BBS9: variants seen among roughly 807,000 people sequenced by gnomAD.
BBS9 encodes the protein Bardet-Biedl syndrome 9.
BBS9 carries 89 observed loss-of-function variants against 117.7 expected under a neutral mutation model. That is an observed-to-expected ratio of 0.76 (90% CI 0.64 to 0.90). The LOEUF is 0.90. BBS9 is among the 40% of genes least tolerant of loss of function. The pLI, the probability that BBS9 is intolerant of heterozygous loss-of-function variation, is 0.00. For synonymous variants in BBS9, 379 were observed against 370.9 expected, an observed-to-expected ratio of 1.02 and a Z score of -0.25; for missense variants, 982 against 1,042.2, an observed-to-expected ratio of 0.94 and a Z score of 0.80.
intron 19 of BBS9, among the ~76,000 whole-genome samples, chr7:33,497,973 C>T (rs757772961): frequency 6.6e-6 from 1 of 152,078 alleles, no homozygotes; most frequent in Non-Finnish European, 1.5e-5. Flanking sequence ...GAGCCCTAAA[C>T]TATAGAAAAT....
chr7:33,565,114 A>G (rs1051410586), intron 21 of BBS9, among the ~76,000 whole-genome samples: 3 of 152,188 alleles, frequency 2.0e-5, no homozygotes, highest in African/African-American at 7.2e-5. Flanking sequence ...ATATTGAAAT[A>G]TCAAAAAAGA....
intron 19 of BBS9, among the ~76,000 whole-genome samples, chr7:33,446,765 G>T (rs1325198226): frequency 6.6e-6 from 1 of 152,120 alleles, no homozygotes; most frequent in Non-Finnish European, 1.5e-5. Context: ...CAATATTAGC[G>T]AAAGAAATTG....
chr7:33,361,514 T>A (rs1434040548), intron 16 of BBS9, among the ~76,000 whole-genome samples: 1 of 152,166 alleles, frequency 6.6e-6, no homozygotes, highest in Non-Finnish European at 1.5e-5. Flanking sequence ...AGCTGCCTTT[T>A]TGAAAAATTG....
chr7:33,533,905 T>C (rs760340786), intron 20 of BBS9, 49 bp from the exon 21 acceptor site: 1 of 1,595,994 alleles, frequency 6.3e-7, no homozygotes, highest in Non-Finnish European at 8.6e-7. Context: ...AGTGCCCACT[T>C]TTCTTATTGT....
chr7:33,295,978 T>C (rs913743947), intron 9 of BBS9, among the ~76,000 whole-genome samples: 18 of 152,096 alleles, frequency 1.2e-4, no homozygotes, highest in African/African-American at 4.3e-4. Flanking sequence ...ACCTTCCATG[T>C]AACATGAGTA....
chr7:33,542,691 T>TTATATA (rs780848680), intron 21 of BBS9, among the ~76,000 whole-genome samples: 2 of 101,146 alleles, frequency 2.0e-5, no homozygotes, highest in Non-Finnish European at 3.9e-5. Flanking sequence ...TAGTATTCCA[T>TTATATA]TATATATATG....
rs1340926955 is a variant in BBS9 at position 33,534,167 on chromosome 7, G to A, written c.2512G>A (p.Val838Ile). Residue 838 changes from valine (V) to isoleucine (I), a missense_variant, in exon 21 of 23, where the codon GTC becomes ATC. Val to Ile is a conservative substitution (Grantham distance 29). Transcript: ENST00000242067. ...CGATGCAGCAGCCCCACAGACCATG[G>A]TCATGCCAGGTAAGAGCTCTGTCCA... ...STDAAAPQTM[V>I]MPGGCTTIPE... The A allele has an allele frequency of 6.2e-7, 1 of 1,614,002 alleles. No individual in the cohort carries two copies. The highest frequency in any genetic ancestry group is 1.1e-5 in the South Asian group (1 of 91,066).
intron 16 of BBS9, among the ~76,000 whole-genome samples, chr7:33,360,130 A>C (rs1820349638): frequency 6.6e-6 from 1 of 152,174 alleles, no homozygotes; most frequent in African/African-American, 2.4e-5. Flanking sequence ...TCATTTGACC[A>C]GCATTATACT....
chr7:33,205,185 C>T (rs966004696), intron 5 of BBS9, among the ~76,000 whole-genome samples: 16 of 152,140 alleles, frequency 1.1e-4, no homozygotes, highest in Admixed American at 3.3e-4. Context: ...GGTGGAGTCT[C>T]GACCAGAGAA....
At chr7:33,635,197 A>T (rs892600460) in exon 22 of BBS9, among the ~76,000 whole-genome samples, 1 of 143,154 alleles carries the variant, frequency 7.0e-6, no homozygotes, top group African/African-American at 2.5e-5. Flanking sequence ...TGGACAGAGG[A>T]TCGAGGCCTG....
intron 5 of BBS9, among the ~76,000 whole-genome samples, chr7:33,189,240 A>T (rs1008658191): frequency 6.6e-6 from 1 of 152,032 alleles, no homozygotes; most frequent in Non-Finnish European, 1.5e-5. Context: ...GCTGGTCTCA[A>T]ATTCCTGGGC....
chr7:33,256,834 A>G (rs747089599), intron 5 of BBS9, among the ~76,000 whole-genome samples: 1 of 152,206 alleles, frequency 6.6e-6, no homozygotes, highest in African/African-American at 2.4e-5. Flanking sequence ...CTAGCAGGAC[A>G]TGAAAGGTTA....
chr7:33,248,804 G>C (rs1359512263), intron 5 of BBS9, among the ~76,000 whole-genome samples: 2 of 152,094 alleles, frequency 1.3e-5, no homozygotes, highest in East Asian at 3.9e-4. Flanking sequence ...GGACTCTTCT[G>C]TTCTTATGCA....
At chr7:33,477,000 G>A (rs1841894502) in intron 19 of BBS9, among the ~76,000 whole-genome samples, 2 of 152,156 alleles carry the variant, frequency 1.3e-5, no homozygotes, top group South Asian at 4.1e-4. Context: ...ATAGCCTAGT[G>A]ACAAAGAACA....
chr7:33,402,635 T>C lies in BBS9; in HGVS notation c.2115+14491T>C, dbSNP rs1352839269. 2.6e-5 allele frequency among the ~76,000 whole-genome samples: 4 copies of C among 152,208 alleles called. No individual in the cohort carries two copies. In the East Asian group the frequency reaches 7.7e-4, roughly 29 times the overall value. On this transcript the variant is annotated intron_variant, in intron 19 of 22. Transcript: ENST00000242067. ...AGTCTTTAGCATCTTTTACCTAATATCATGTTTTTGAGGTTCATCTATCAG... is the reference window on the plus strand; with the variant it reads ...AGTCTTTAGCATCTTTTACCTAATACCATGTTTTTGAGGTTCATCTATCAG...
intron 19 of BBS9, among the ~76,000 whole-genome samples, chr7:33,471,068 G>T (rs557564294): frequency 6.6e-6 from 1 of 152,264 alleles, no homozygotes; most frequent in South Asian, 2.1e-4. Context: ...GACACTTTTA[G>T]CTGGTATCAC....
At chr7:33,238,870 G>T (rs762532517) in intron 5 of BBS9, among the ~76,000 whole-genome samples, 1 of 152,060 alleles carries the variant, frequency 6.6e-6, no homozygotes, top group East Asian at 1.9e-4. Flanking sequence ...CTAAATGGTC[G>T]TAAAGAATTC....
chr7:33,556,974 G>A (rs544755815), intron 21 of BBS9, among the ~76,000 whole-genome samples: 1 of 152,254 alleles, frequency 6.6e-6, no homozygotes, highest in African/African-American at 2.4e-5. Context: ...CTATGTCTCT[G>A]ATCTTTATCT....
chr7:33,450,393 G>A (rs961791699), intron 19 of BBS9, among the ~76,000 whole-genome samples: 1 of 152,180 alleles, frequency 6.6e-6, no homozygotes, highest in Admixed American at 6.5e-5. Context: ...TATACCCAGA[G>A]GTGGGATTGC....
Sources: gnomAD v4.1 joint callset for allele counts (sites outside exome capture counted in the v4.1 genomes callset) on GRCh38, gnomAD v4.1.1 for gene constraint, MANE v1.5 for transcripts, NCBI Gene and HGNC (gene_info 2026-07-23, HGNC 2026-07-21) for gene names.